Variants in PACRG observed in about 807,000 individuals in gnomAD.
The protein encoded by PACRG is parkin coregulated.
In PACRG, 29 loss-of-function variants were observed where a neutral mutation model predicts 29.7. That is an observed-to-expected ratio of 0.98 (90% CI 0.73 to 1.33). The LOEUF is 1.33. PACRG is among the 40% of genes most tolerant of loss of function. PACRG has a pLI of 0.00. For synonymous variants in PACRG, 116 were observed against 118.7 expected (o/e 0.98, Z 0.15); for missense variants, 279 against 316.2 (o/e 0.88, Z 0.89).
At chr6:163,003,505 A>G (rs532773131) in intron 2 of PACRG, among the ~76,000 whole-genome samples, 24 of 152,358 alleles carry the variant, frequency 1.6e-4, no homozygotes, top group Admixed American at 3.9e-4. Context: ...ACAGCAGGAG[A>G]TAAAAGGAGA....
At chr6:163,210,604 T>C (rs891956467) in intron 4 of PACRG, among the ~76,000 whole-genome samples, 1 of 152,210 alleles carries the variant, frequency 6.6e-6, no homozygotes, top group Non-Finnish European at 1.5e-5. Flanking sequence ...CAGAGGCATG[T>C]TGAAGGGATT....
chr6:163,071,407 T>G (rs1022078282), intron 3 of PACRG, among the ~76,000 whole-genome samples: 2 of 152,076 alleles, frequency 1.3e-5, no homozygotes, highest in Admixed American at 1.3e-4. Context: ...ACTATACAAA[T>G]GCATGGAATT....
intron 2 of PACRG, among the ~76,000 whole-genome samples, chr6:162,873,737 C>A (rs564918172): frequency 9.0e-4 from 137 of 152,236 alleles, no homozygotes; most frequent in African/African-American, 3.2e-3. Flanking sequence ...GCTTGAAAAA[C>A]CAATTCGGCA....
chr6:162,947,595 C>T lies in PACRG; in HGVS notation c.292-114555C>T, dbSNP rs59531716. Among the ~76,000 whole-genome samples, 54 of 27,994 alleles carry T rather than the reference C, an allele frequency of 1.9e-3. 1 individual carries two copies. Among genetic ancestry groups the T allele is most frequent in the Non-Finnish European group, 2.9e-3 (41 of 14,036 alleles). 18.4% of individuals were successfully genotyped at this position (27,994 alleles called of 152,430 possible). A position where few individuals can be genotyped will look rare whatever the true frequency, so the allele number is the denominator to read the frequency against. Reference sequence around the variant, plus strand: ...ACTCATATATAATCATATATATAATCATATATATATATAATCATATATATA... The same window carrying T: ...ACTCATATATAATCATATATATAATTATATATATATATAATCATATATATA... On this transcript the variant is annotated intron_variant, in intron 2 of 4. Coordinates refer to ENST00000366888, the MANE Select transcript of PACRG (RefSeq NM_001080379.2).
At chr6:163,212,704 T>A (rs532730292) in intron 4 of PACRG, among the ~76,000 whole-genome samples, 1 of 152,144 alleles carries the variant, frequency 6.6e-6, no homozygotes, top group Admixed American at 6.5e-5. Flanking sequence ...ATATTTACCA[T>A]TATTTCATAT....
At chr6:163,240,606 CT>C (rs1782462520) in intron 4 of PACRG, among the ~76,000 whole-genome samples, 2 of 152,144 alleles carry the variant, frequency 1.3e-5, no homozygotes, top group East Asian at 3.9e-4. Context: ...CTGCTTTGGG[CT>C]GCGTTCTCAC....
chr6:162,897,027 A>T (rs897080290), intron 2 of PACRG, among the ~76,000 whole-genome samples: 4 of 152,216 alleles, frequency 2.6e-5, no homozygotes, highest in Admixed American at 2.6e-4. Flanking sequence ...ATATAATCTG[A>T]TCTAATCTGC....
At chr6:163,285,249 G>A (rs774247972) in intron 4 of PACRG, among the ~76,000 whole-genome samples, 7 of 149,742 alleles carry the variant, frequency 4.7e-5, no homozygotes, top group African/African-American at 1.2e-4. Flanking sequence ...CTCCCCTACC[G>A]CAGGGCCTTT....
intron 1 of PACRG, among the ~76,000 whole-genome samples, chr6:162,760,049 C>A (rs1782224385): frequency 6.6e-6 from 1 of 152,170 alleles, no homozygotes; most frequent in African/African-American, 2.4e-5. Context: ...ACCAAAGTTT[C>A]ATTCCTGATT....
chr6:163,264,197 T>C (rs571849073), intron 4 of PACRG, among the ~76,000 whole-genome samples: 29 of 152,312 alleles, frequency 1.9e-4, no homozygotes, highest in African/African-American at 6.3e-4. Context: ...TTCAGAGTTG[T>C]AATTAAGTAA....
intron 1 of PACRG, among the ~76,000 whole-genome samples, chr6:162,780,802 A>C (rs990018114): frequency 6.6e-6 from 1 of 152,120 alleles, no homozygotes. Flanking sequence ...GATATTGCAG[A>C]AGAAAAGATT....
At chr6:163,134,120 G>T (rs1350324298) in intron 4 of PACRG, among the ~76,000 whole-genome samples, 6 of 152,190 alleles carry the variant, frequency 3.9e-5, no homozygotes, top group African/African-American at 1.4e-4. Flanking sequence ...GAAAGGGAAA[G>T]AACTATGGGG....
At chr6:162,801,199 C>A (rs1026751074) in intron 1 of PACRG, among the ~76,000 whole-genome samples, 3 of 152,104 alleles carry the variant, frequency 2.0e-5, no homozygotes, top group Non-Finnish European at 4.4e-5. Context: ...AACTCCACTT[C>A]CTGAGTTCAA....
chr6:162,746,908 T>C lies in PACRG; in HGVS notation c.156+18517T>C, dbSNP rs529827322. On this transcript the variant is annotated intron_variant, in intron 1 of 4. Coordinates refer to ENST00000366888, the MANE Select transcript of PACRG (RefSeq NM_001080379.2). ...CTCTGTATCACACTTGGCCTTCTTA[T>C]TTATGTGCAGAATTTGATTGATTTG... Among the ~76,000 whole-genome samples the C allele has an allele frequency of 2.6e-5, 4 of 152,324 alleles. No individual in the cohort carries two copies. The South Asian group carries it at 8.3e-4, about 32-fold the overall frequency.
At chr6:162,947,629 TATATATATATATATATATAC>T (rs1379917883) in intron 2 of PACRG, among the ~76,000 whole-genome samples, 11 of 67,762 alleles carry the variant, frequency 1.6e-4, no homozygotes, top group East Asian at 7.1e-4. Flanking sequence ...TATATATATA[TATATATATATATATATATAC>T]ACCCAAAGAT....
intron 4 of PACRG, 98 bp downstream of exon 4, chr6:163,089,506 CATATAAACCATG>C: frequency 7.3e-7 from 1 of 1,375,074 alleles, no homozygotes; most frequent in Non-Finnish European, 1.0e-6. Context: ...TTTATTATTG[CATATAAACCATG>C]ATCCATTTGG....
chr6:162,999,739 A>T (rs1562818548), intron 2 of PACRG, among the ~76,000 whole-genome samples: 2 of 152,176 alleles, frequency 1.3e-5, no homozygotes, highest in African/African-American at 4.8e-5. Context: ...ACTATACATG[A>T]CTCATTTTCT....
At chr6:163,206,308 A>G (rs925061371) in intron 4 of PACRG, among the ~76,000 whole-genome samples, 23 of 152,210 alleles carry the variant, frequency 1.5e-4, no homozygotes, top group Non-Finnish European at 8.8e-5. Context: ...CATGAAATCA[A>G]CCTAAATGCC....
chr6:163,013,101 A>T (rs755275736), intron 2 of PACRG, among the ~76,000 whole-genome samples: 2 of 151,870 alleles, frequency 1.3e-5, no homozygotes, highest in African/African-American at 2.4e-5. Flanking sequence ...TAAATAAAAT[A>T]TATTATTAAT....
Sources: gnomAD v4.1 joint callset for allele counts (sites outside exome capture counted in the v4.1 genomes callset) on GRCh38, gnomAD v4.1.1 for gene constraint, MANE v1.5 for transcripts, NCBI Gene and HGNC (gene_info 2026-07-23, HGNC 2026-07-21) for gene names.